Variants in SGCZ observed in about 807,000 individuals in gnomAD.
The protein encoded by SGCZ is sarcoglycan zeta.
A neutral mutation model predicts 41.3 loss-of-function variants in SGCZ; 40 were observed. The ratio of observed to expected loss-of-function variants is 0.97; its 90% confidence interval spans 0.75 to 1.26. SGCZ has a LOEUF of 1.26. Ranked by LOEUF, SGCZ falls within the 50% of genes most tolerant of loss-of-function variation. SGCZ has a pLI of 0.00. For synonymous variants in SGCZ, 206 were observed against 137.5 expected (o/e 1.50, Z -3.49); for missense variants, 552 against 369.8 (o/e 1.49, Z -4.04).
intron 1 of SGCZ, among the ~76,000 whole-genome samples, chr8:14,611,487 TTATACAAA>T (rs1805928261): frequency 6.6e-6 from 1 of 152,156 alleles, no homozygotes; most frequent in Non-Finnish European, 1.5e-5. Flanking sequence ...GTGCTGAAAG[TTATACAAA>T]TCAATAATCA....
chr8:14,613,205 A>C (rs1313205663), intron 1 of SGCZ, among the ~76,000 whole-genome samples: 1 of 152,146 alleles, frequency 6.6e-6, no homozygotes, highest in Non-Finnish European at 1.5e-5. Context: ...TCACAACATA[A>C]TTTTTATAAT....
In SGCZ at chr8:14,684,102, C is replaced by T. The variant is rs144892058; in HGVS notation, c.40-129176G>A. On this transcript the variant is annotated intron_variant, in intron 1 of 7. Coordinates refer to ENST00000382080, the MANE Select transcript of SGCZ (RefSeq NM_139167.4). Reference sequence around the variant, plus strand: ...CATTTTTAAATATATAAATTATGTACTTTTCCAGTGATTACATCAATTAAA... The same window carrying T: ...CATTTTTAAATATATAAATTATGTATTTTTCCAGTGATTACATCAATTAAA... Among the ~76,000 whole-genome samples the T allele has an allele frequency of 5.3e-5, 8 of 152,188 alleles. No individual in the cohort carries two copies. The East Asian group carries it at 1.2e-3, about 22-fold the overall frequency.
intron 1 of SGCZ, among the ~76,000 whole-genome samples, chr8:14,806,869 A>C (rs374422819): frequency 2.0e-5 from 3 of 151,324 alleles, no homozygotes; most frequent in East Asian, 3.9e-4. Context: ...AGCACATCAA[A>C]AAGCTTATCC....
chr8:14,991,343 G>A (rs887101389), intron 1 of SGCZ, among the ~76,000 whole-genome samples: 1 of 152,256 alleles, frequency 6.6e-6, no homozygotes, highest in South Asian at 2.1e-4. Context: ...TTGTTGAAAT[G>A]CAAAGTGTTA....
chr8:14,548,227 G>C (rs896117676), intron 2 of SGCZ, among the ~76,000 whole-genome samples: 3 of 152,052 alleles, frequency 2.0e-5, no homozygotes, highest in Non-Finnish European at 2.9e-5. Flanking sequence ...CCAGGACTTG[G>C]ACAAAAAGGT....
At chr8:15,033,386 G>A (rs1385336832) in intron 1 of SGCZ, among the ~76,000 whole-genome samples, 3 of 151,852 alleles carry the variant, frequency 2.0e-5, no homozygotes, top group African/African-American at 7.3e-5. Flanking sequence ...CTCCAGACTA[G>A]CCCCTAGTAG....
At chr8:14,508,608 GT>G (rs1802376963) in intron 2 of SGCZ, among the ~76,000 whole-genome samples, 1 of 152,084 alleles carries the variant, frequency 6.6e-6, no homozygotes, top group Non-Finnish European at 1.5e-5. Flanking sequence ...ATGTGCCTTG[GT>G]GGGTCACTAA....
intron 2 of SGCZ, among the ~76,000 whole-genome samples, chr8:14,331,657 T>C (rs951133465): frequency 2.0e-5 from 3 of 152,138 alleles, no homozygotes; most frequent in African/African-American, 7.2e-5. Flanking sequence ...ACTTTTACCA[T>C]CCTGAATATG....
chr8:14,521,300 A>C lies in SGCZ; in HGVS notation c.234+33432T>G, dbSNP rs569516713. ...TTCAGAAATGTTAATAATTCAAATCATTAAAATATAACTTCGGGGAATTGG... is the reference window on the plus strand; with the variant it reads ...TTCAGAAATGTTAATAATTCAAATCCTTAAAATATAACTTCGGGGAATTGG... On this transcript the variant is annotated intron_variant, in intron 2 of 7. Transcript: ENST00000382080. Among the ~76,000 whole-genome samples the C allele has an allele frequency of 1.5e-3, 226 of 152,240 alleles. 3 individuals are homozygous for C. The highest frequency in any genetic ancestry group is 5.1e-4 in the Non-Finnish European group (35 of 68,002).
chr8:14,806,418 A>G (rs1463795576), intron 1 of SGCZ, among the ~76,000 whole-genome samples: 1 of 151,516 alleles, frequency 6.6e-6, no homozygotes, highest in Non-Finnish European at 1.5e-5. Flanking sequence ...GATCCCACAG[A>G]AATACAAACT....
intron 1 of SGCZ, among the ~76,000 whole-genome samples, chr8:14,898,192 C>G (rs1265356921): frequency 3.9e-5 from 6 of 152,170 alleles, no homozygotes; most frequent in Non-Finnish European, 8.8e-5. Flanking sequence ...TCAAGAGATC[C>G]TCCCACCTCA....
intron 1 of SGCZ, among the ~76,000 whole-genome samples, chr8:14,759,110 A>G (rs779910756): frequency 2.6e-5 from 4 of 152,180 alleles, no homozygotes; most frequent in Non-Finnish European, 4.4e-5. Context: ...AGGATGCAAT[A>G]TATTTATAAA....
At chr8:14,506,290 A>G (rs1393635414) in intron 2 of SGCZ, among the ~76,000 whole-genome samples, 1 of 152,058 alleles carries the variant, frequency 6.6e-6, no homozygotes, top group Non-Finnish European at 1.5e-5. Flanking sequence ...CATATCCTCT[A>G]TCTTCTCTCT....
chr8:14,271,045 T>G (rs559432830), intron 3 of SGCZ, among the ~76,000 whole-genome samples: 104 of 152,226 alleles, frequency 6.8e-4, no homozygotes, highest in African/African-American at 2.4e-3. Context: ...TGGGGCCTGT[T>G]GTGAGGTGGG....
intron 3 of SGCZ, among the ~76,000 whole-genome samples, chr8:14,262,293 C>A (rs961714825): frequency 6.6e-6 from 1 of 152,158 alleles, no homozygotes. Flanking sequence ...GTAAACTGTT[C>A]TTTGCTTCAC....
chr8:14,577,525 C>G (rs1241417231), intron 1 of SGCZ, among the ~76,000 whole-genome samples: 1 of 151,480 alleles, frequency 6.6e-6, no homozygotes. Flanking sequence ...GTAGCTGGGA[C>G]TATAGGTGCA....
intron 1 of SGCZ, among the ~76,000 whole-genome samples, chr8:14,559,647 T>A (rs1804148152): frequency 6.6e-6 from 1 of 152,122 alleles, no homozygotes; most frequent in Admixed American, 6.6e-5. Context: ...ATTACTGTAA[T>A]TTCAAACTGC....
At chr8:14,094,422 T>C (rs941157985) in intron 7 of SGCZ, among the ~76,000 whole-genome samples, 1 of 152,110 alleles carries the variant, frequency 6.6e-6, no homozygotes, top group African/African-American at 2.4e-5. Flanking sequence ...TTGCTGAGAA[T>C]GATGGTTTCC....
intron 1 of SGCZ, among the ~76,000 whole-genome samples, chr8:14,944,300 C>T (rs529437679): frequency 6.6e-6 from 1 of 152,214 alleles, no homozygotes. Context: ...TAATCCCATG[C>T]CAACAGAAAC....
Sources: gnomAD v4.1 joint callset for allele counts (sites outside exome capture counted in the v4.1 genomes callset) on GRCh38, gnomAD v4.1.1 for gene constraint, MANE v1.5 for transcripts, NCBI Gene and HGNC (gene_info 2026-07-23, HGNC 2026-07-21) for gene names.